Variants in IMMP1L observed in about 807,000 individuals in gnomAD.
The protein encoded by IMMP1L is mitochondrial inner membrane protease subunit 1.
A neutral mutation model predicts 21.8 loss-of-function variants in IMMP1L; 24 were observed. The ratio of observed to expected loss-of-function variants is 1.10; its 90% CI spans 0.80 to 1.55. The LOEUF is 1.55. IMMP1L is among the 40% of genes most tolerant of loss of function. The pLI is 0.00. For missense variants in IMMP1L, 195 were observed against 200.7 expected, an observed-to-expected ratio of 0.97 and a Z score of 0.17; for synonymous variants, 46 against 62.8, an observed-to-expected ratio of 0.73 and a Z score of 1.26.
At chr11:31,451,109 A>G (rs1397223124) in intron 4 of IMMP1L, among the ~76,000 whole-genome samples, 1 of 152,202 alleles carries the variant, frequency 6.6e-6, no homozygotes, top group Non-Finnish European at 1.5e-5. Flanking sequence ...ATTGTGTTCC[A>G]ATGACACAAT....
intron 1 of IMMP1L, among the ~76,000 whole-genome samples, chr11:31,500,154 T>C (rs1955571990): frequency 6.6e-6 from 1 of 151,794 alleles, no homozygotes; most frequent in Non-Finnish European, 1.5e-5. Flanking sequence ...CACAAGAAAA[T>C]TGGTCAGTCT....
chr11:31,508,374 A>AT (rs1565023981), intron 1 of IMMP1L, among the ~76,000 whole-genome samples: 3 of 152,224 alleles, frequency 2.0e-5, no homozygotes, highest in Non-Finnish European at 4.4e-5. Flanking sequence ...AAATGACAAG[A>AT]TTAAGTCCAA....
intron 4 of IMMP1L, chr11:31,452,593 T>C (rs1953793397): frequency 1.0e-6 from 1 of 985,556 alleles, no homozygotes; most frequent in Non-Finnish European, 1.2e-6. Context: ...AAAGGCAACA[T>C]ACTCAAGATG....
intron 4 of IMMP1L, among the ~76,000 whole-genome samples, chr11:31,436,028 T>G (rs1397839951): frequency 1.3e-5 from 2 of 151,394 alleles, no homozygotes; most frequent in Non-Finnish European, 2.9e-5. Context: ...TTATTCTGTG[T>G]GTTTTCTGAT....
chr11:31,480,900 C>T (rs537749837), intron 1 of IMMP1L, among the ~76,000 whole-genome samples: 1 of 152,158 alleles, frequency 6.6e-6, no homozygotes, highest in South Asian at 2.1e-4. Context: ...ATACACTGAG[C>T]CTATTAAGCA....
At chr11:31,506,239 T>G (rs1425558664) in intron 1 of IMMP1L, among the ~76,000 whole-genome samples, 1 of 118,406 alleles carries the variant, frequency 8.4e-6, no homozygotes, top group Non-Finnish European at 1.8e-5. Flanking sequence ...TTTTTTTTTT[T>G]TTTTTTGAGA....
intron 2 of IMMP1L, 76 bp from the exon 3 acceptor site, chr11:31,460,790 A>G: frequency 9.5e-7 from 1 of 1,053,768 alleles, no homozygotes; most frequent in Non-Finnish European, 1.4e-6. Context: ...AGCAAGCTTA[A>G]AAGAAAGAAA....
At chr11:31,485,161 GTTAC>G (rs892898146) in intron 1 of IMMP1L, among the ~76,000 whole-genome samples, 4 of 151,660 alleles carry the variant, frequency 2.6e-5, no homozygotes, top group Admixed American at 1.3e-4. Flanking sequence ...TCAAATCTGT[GTTAC>G]TTCTATATTT....
At chr11:31,448,815 T>G (rs1953631960) in intron 4 of IMMP1L, 1 of 354,158 alleles carries the variant, frequency 2.8e-6, no homozygotes, top group Admixed American at 6.4e-5. Context: ...AGAAAACACT[T>G]TAAGTCTAGG....
intron 1 of IMMP1L, among the ~76,000 whole-genome samples, chr11:31,466,283 G>T (rs1954342793): frequency 6.6e-6 from 1 of 151,976 alleles, no homozygotes; most frequent in African/African-American, 2.4e-5. Flanking sequence ...GTGGAGAAAA[G>T]AAAATTCATA....
At chr11:31,468,418 T>C (rs1319269997) in intron 1 of IMMP1L, among the ~76,000 whole-genome samples, 1 of 152,190 alleles carries the variant, frequency 6.6e-6, no homozygotes, top group South Asian at 2.1e-4. Flanking sequence ...CACATACGGA[T>C]ATATTACATA....
intron 1 of IMMP1L, among the ~76,000 whole-genome samples, chr11:31,498,800 C>G (rs1406377608): frequency 2.0e-5 from 3 of 152,176 alleles, no homozygotes; most frequent in Non-Finnish European, 4.4e-5. Context: ...CCATTAACTT[C>G]TGAACACACT....
chr11:31,467,576 A>G (rs1445352556), intron 1 of IMMP1L, among the ~76,000 whole-genome samples: 1 of 152,162 alleles, frequency 6.6e-6, no homozygotes, highest in African/African-American at 2.4e-5. Flanking sequence ...ACATTAAATT[A>G]AAAATGAAAT....
chr11:31,499,359 C>T (rs893109145), intron 1 of IMMP1L, among the ~76,000 whole-genome samples: 4 of 132,200 alleles, frequency 3.0e-5, no homozygotes, highest in Admixed American at 7.9e-5. Flanking sequence ...AGTGAGACTC[C>T]GTATCAAAAA....
chr11:31,446,106 T>C (rs1348642065), intron 4 of IMMP1L, among the ~76,000 whole-genome samples: 2 of 152,092 alleles, frequency 1.3e-5, no homozygotes, highest in Admixed American at 1.3e-4. Context: ...AATTAACATC[T>C]CCCCCAACAA....
intron 4 of IMMP1L, among the ~76,000 whole-genome samples, chr11:31,441,341 T>TC (rs2065824131): frequency 6.6e-6 from 1 of 150,678 alleles, no homozygotes; most frequent in African/African-American, 2.4e-5. Context: ...TTTTTTTTTT[T>TC]GTCTTTGGTA....
chr11:31,461,914 A>C (rs1489202446), intron 2 of IMMP1L, among the ~76,000 whole-genome samples: 1 of 152,208 alleles, frequency 6.6e-6, no homozygotes. Flanking sequence ...ATTTGTAAAT[A>C]AAACTTTTTA....
At chr11:31,453,128 G>A in intron 4 of IMMP1L, 1 of 1,287,398 alleles carries the variant, frequency 7.8e-7, no homozygotes, top group Non-Finnish European at 1.0e-6. Context: ...TATAAGCGTT[G>A]CTTGCCATGT....
chr11:31,434,612 TCA>T (rs1296692113), intron 4 of IMMP1L, among the ~76,000 whole-genome samples: 1 of 152,174 alleles, frequency 6.6e-6, no homozygotes, highest in East Asian at 1.9e-4. Flanking sequence ...TTTTTTTTAA[TCA>T]CAAATTACTT....
Sources: gnomAD v4.1 joint callset for allele counts (sites outside exome capture counted in the v4.1 genomes callset) on GRCh38, gnomAD v4.1.1 for gene constraint, MANE v1.5 for transcripts, NCBI Gene and HGNC (gene_info 2026-07-23, HGNC 2026-07-21) for gene names.